The following HPSE2 variants were observed in gnomAD, a reference collection of about 807,000 sequenced individuals.
The protein encoded by HPSE2 is inactive heparanase-2.
HPSE2 carries 38 observed loss-of-function variants against 60.5 expected under a neutral mutation model. That is an observed-to-expected ratio of 0.63 (90% CI 0.48 to 0.82). HPSE2 has a LOEUF of 0.82. HPSE2 is among the 40% of genes least tolerant of loss of function. HPSE2 has a pLI of 0.00. For missense variants in HPSE2, 713 were observed against 740.4 expected (o/e 0.96, Z 0.43); for synonymous variants, 295 against 293.2 (o/e 1.01, Z -0.06).
At chr10:99,193,536 A>G (rs1564884794) in intron 2 of HPSE2, among the ~76,000 whole-genome samples, 1 of 151,998 alleles carries the variant, frequency 6.6e-6, no homozygotes, top group African/African-American at 2.4e-5. Flanking sequence ...CTGCCTACAA[A>G]AAACACACTT....
intron 3 of HPSE2, among the ~76,000 whole-genome samples, chr10:99,108,227 T>G (rs1363939939): frequency 6.6e-6 from 1 of 152,124 alleles, no homozygotes; most frequent in African/African-American, 2.4e-5. Flanking sequence ...AAAAGTGACT[T>G]GTGCCAGAGG....
At chr10:98,514,143 C>T (rs961636005) in intron 9 of HPSE2, among the ~76,000 whole-genome samples, 14 of 151,882 alleles carry the variant, frequency 9.2e-5, no homozygotes, top group African/African-American at 2.7e-4. Flanking sequence ...AGATGAACCT[C>T]GAAAACATGC....
At chr10:98,797,417 T>C (rs1271354510) in intron 3 of HPSE2, among the ~76,000 whole-genome samples, 1 of 152,148 alleles carries the variant, frequency 6.6e-6, no homozygotes. Context: ...AGACATGCTA[T>C]TTGAAAACAT....
intron 3 of HPSE2, among the ~76,000 whole-genome samples, chr10:99,048,510 A>C (rs1033411483): frequency 1.3e-5 from 2 of 152,192 alleles, no homozygotes; most frequent in African/African-American, 4.8e-5. Context: ...GAGAAATGCA[A>C]ATCAAAACCA....
At chr10:99,296,956 G>A in the HPSE2 span, among the ~76,000 whole-genome samples, 1 of 152,210 alleles carries the variant, frequency 6.6e-6, no homozygotes, top group Admixed American at 6.5e-5. Flanking sequence ...ACAGCAGTCA[G>A]TGGATGGCAA....
chr10:99,305,964 C>CGCGCGCGCGT, the HPSE2 span, among the ~76,000 whole-genome samples: 4 of 64,356 alleles, frequency 6.2e-5, no homozygotes, highest in African/African-American at 1.8e-4. Flanking sequence ...CACACACACG[C>CGCGCGCGCGT]GCGCGCGCGC....
chr10:99,114,808 G>A (rs1844609245), intron 3 of HPSE2, among the ~76,000 whole-genome samples: 1 of 151,338 alleles, frequency 6.6e-6, no homozygotes, highest in African/African-American at 2.4e-5. Flanking sequence ...CAGCTACTCG[G>A]GAGGCTGAGG....
At chr10:98,867,877 T>C (rs1216983762) in intron 3 of HPSE2, among the ~76,000 whole-genome samples, 1 of 151,884 alleles carries the variant, frequency 6.6e-6, no homozygotes, top group African/African-American at 2.4e-5. Context: ...CTGGCCAACA[T>C]GGCGAAACCC....
At chr10:99,089,441 A>G (rs768382728) in intron 3 of HPSE2, among the ~76,000 whole-genome samples, 7 of 152,030 alleles carry the variant, frequency 4.6e-5, no homozygotes, top group African/African-American at 1.2e-4. Flanking sequence ...TCCTATCCCC[A>G]CTTTGTTTTT....
chr10:98,727,405 C>T (rs1418318912), intron 4 of HPSE2, among the ~76,000 whole-genome samples: 2 of 152,170 alleles, frequency 1.3e-5, no homozygotes, highest in Admixed American at 6.5e-5. Flanking sequence ...AATCCCAGCA[C>T]TTTGGGAGGC....
rs7914375 is a variant in HPSE2 at position 98,626,085 on chromosome 10, G to A, written c.1099-5377C>T. Among the ~76,000 whole-genome samples the A allele has an allele frequency of 7.1e-3, 1,019 of 144,294 alleles. 8 individuals are homozygous for A. The highest frequency in any genetic ancestry group is 0.027 in the South Asian group (125 of 4,654). 94.7% of individuals were successfully genotyped at this position (144,294 alleles called of 152,430 possible). A position where few individuals can be genotyped will look rare whatever the true frequency, so the allele number is the denominator to read the frequency against. ...CGCACCACTACACTCCAGCCTGGGC[G>A]ACAGAGCGAGACTCCGTCTCAAAAA... On this transcript the variant is annotated intron_variant, in intron 7 of 11. Coordinates refer to ENST00000370552, the MANE Select transcript of HPSE2 (RefSeq NM_021828.5).
the HPSE2 span, among the ~76,000 whole-genome samples, chr10:99,276,638 A>C: frequency 2.6e-4 from 39 of 152,168 alleles, no homozygotes; most frequent in African/African-American, 9.2e-4. Context: ...CCCATAACTG[A>C]TAAATAGGAT....
At chr10:98,627,024 C>T (rs1249845350) in intron 7 of HPSE2, among the ~76,000 whole-genome samples, 1 of 152,194 alleles carries the variant, frequency 6.6e-6, no homozygotes, top group Non-Finnish European at 1.5e-5. Flanking sequence ...CCGCCCACCT[C>T]AGCCTCTCAA....
intron 9 of HPSE2, among the ~76,000 whole-genome samples, chr10:98,514,721 T>G (rs1445673053): frequency 3.4e-5 from 5 of 145,158 alleles, no homozygotes; most frequent in East Asian, 2.0e-4. Context: ...GTTTTTTTTT[T>G]TTTTTTTTTT....
chr10:98,690,628 A>C (rs1948054194), intron 6 of HPSE2, among the ~76,000 whole-genome samples: 1 of 152,128 alleles, frequency 6.6e-6, no homozygotes, highest in Non-Finnish European at 1.5e-5. Flanking sequence ...CTTCTTTCAA[A>C]GGTTGAATAC....
chr10:98,514,552 T>G (rs917211034), intron 9 of HPSE2, among the ~76,000 whole-genome samples: 1 of 152,168 alleles, frequency 6.6e-6, no homozygotes, highest in Non-Finnish European at 1.5e-5. Flanking sequence ...ATTTCACTTC[T>G]TATAATTTAT....
intron 3 of HPSE2, among the ~76,000 whole-genome samples, chr10:98,892,218 A>C (rs1452755811): frequency 6.6e-6 from 1 of 151,992 alleles, no homozygotes; most frequent in East Asian, 1.9e-4. Flanking sequence ...AAAGGGGGAA[A>C]AAAGAAAAAT....
chr10:98,889,887 C>G (rs1486912078), intron 3 of HPSE2, among the ~76,000 whole-genome samples: 1 of 152,118 alleles, frequency 6.6e-6, no homozygotes, highest in Non-Finnish European at 1.5e-5. Context: ...TTCATACTCT[C>G]ATTTACAGCC....
chr10:98,548,237 T>G (rs1221936876), intron 9 of HPSE2, among the ~76,000 whole-genome samples: 1 of 152,174 alleles, frequency 6.6e-6, no homozygotes, highest in Admixed American at 6.5e-5. Context: ...CTCTGATGAC[T>G]TAGTGAATGG....
Sources: allele counts gnomAD v4.1 joint callset (sites outside exome capture counted in the v4.1 genomes callset), GRCh38; gene constraint gnomAD v4.1.1; transcripts MANE v1.5; gene names NCBI Gene and HGNC (gene_info 2026-07-23, HGNC 2026-07-21).